Variants in RELN observed in about 807,000 individuals in gnomAD.
The protein encoded by RELN is reelin.
In RELN, 108 loss-of-function variants were observed where a neutral mutation model predicts 427.6. The ratio of observed to expected loss-of-function variants is 0.25; its 90% CI spans 0.22 to 0.30. The LOEUF (loss-of-function observed/expected upper bound fraction) is 0.30. Among genes scored for constraint, RELN ranks in the 10% least tolerant of loss-of-function variants. RELN has a pLI of 1.00. For synonymous variants in RELN, 1,524 were observed against 1,513.4 expected (o/e 1.01, Z -0.16); for missense variants, 3,715 against 4,302.8 (o/e 0.86, Z 3.82).
intron 36 of RELN, among the ~76,000 whole-genome samples, chr7:103,558,379 A>T (rs1004532148): frequency 1.3e-5 from 2 of 152,170 alleles, no homozygotes; most frequent in Non-Finnish European, 2.9e-5. Flanking sequence ...ACAGCATGTT[A>T]TGAGAGGAGT....
intron 2 of RELN, among the ~76,000 whole-genome samples, chr7:103,892,287 AC>A (rs1404128998): frequency 7.2e-5 from 11 of 152,170 alleles, no homozygotes; most frequent in Admixed American, 1.3e-4. Flanking sequence ...TTCCATGCTG[AC>A]CAAAAACACC....
At chr7:103,576,370 C>T (rs1193424169) in intron 28 of RELN, among the ~76,000 whole-genome samples, 1 of 152,126 alleles carries the variant, frequency 6.6e-6, no homozygotes, top group Non-Finnish European at 1.5e-5. Flanking sequence ...AAACTCCTGG[C>T]TTTATGTGAT....
chr7:103,636,441 A>G lies in RELN; in HGVS notation c.2097T>C (p.Ala699=). 2 of 1,613,690 alleles carry G rather than the reference A, an allele frequency of 1.2e-6. No individual in the cohort carries two copies. The highest frequency in any genetic ancestry group is 2.2e-5 in the South Asian group (2 of 91,026). ...GGAATGTCTGGGATGCCATCTCACA[A>G]GCTGGGCCAGAAAATCCAGGGTCAC... ...CKCDPGFSGP[A]CEMASQTFPM... Residue 699 remains alanine (A), a synonymous_variant, in exon 18 of 65, where the codon GCT becomes GCC. Coordinates refer to ENST00000428762, the MANE Select transcript of RELN (RefSeq NM_005045.4).
intron 2 of RELN, among the ~76,000 whole-genome samples, chr7:103,839,441 C>A (rs1406859091): frequency 6.6e-6 from 1 of 151,430 alleles, no homozygotes; most frequent in Non-Finnish European, 1.5e-5. Flanking sequence ...AATCAACCAG[C>A]AAGAAGAAAA....
intron 10 of RELN, among the ~76,000 whole-genome samples, chr7:103,683,504 G>T (rs1833697225): frequency 6.6e-6 from 1 of 152,062 alleles, no homozygotes; most frequent in African/African-American, 2.4e-5. Flanking sequence ...CATATACAAT[G>T]GTGGTCCTAT....
chr7:103,695,547 G>C (rs1206546620), intron 10 of RELN, among the ~76,000 whole-genome samples: 1 of 152,064 alleles, frequency 6.6e-6, no homozygotes, highest in Non-Finnish European at 1.5e-5. Flanking sequence ...CACACCTCAT[G>C]CATTTTTATC....
chr7:103,632,677 T>G (rs1352397937), intron 19 of RELN, among the ~76,000 whole-genome samples: 1 of 152,176 alleles, frequency 6.6e-6, no homozygotes, highest in Non-Finnish European at 1.5e-5. Context: ...GTCAACTTTC[T>G]GCCTCAATTT....
At chr7:103,519,291 A>G in intron 49 of RELN, 32 bp downstream of exon 49, 1 of 1,532,750 alleles carries the variant, frequency 6.5e-7, no homozygotes, top group Non-Finnish European at 9.0e-7. Context: ...TGCTCGATGT[A>G]CTCGTTATTA....
intron 11 of RELN, among the ~76,000 whole-genome samples, chr7:103,675,493 C>A (rs1232659555): frequency 6.6e-6 from 1 of 152,034 alleles, no homozygotes; most frequent in Non-Finnish European, 1.5e-5. Context: ...ATGCCACCCC[C>A]ATCAAGCTAC....
At chr7:103,941,542 T>G (rs1442912774) in intron 1 of RELN, among the ~76,000 whole-genome samples, 2 of 152,198 alleles carry the variant, frequency 1.3e-5, no homozygotes, top group Non-Finnish European at 2.9e-5. Context: ...TTATTTTTCA[T>G]GTATTAAAAT....
intron 56 of RELN, 70 bp from the exon 57 acceptor site, chr7:103,495,968 T>A: frequency 1.3e-6 from 2 of 1,528,984 alleles, no homozygotes; most frequent in East Asian, 4.5e-5. Context: ...ATATGGCATA[T>A]TATTCTCTTG....
rs1563092030 is a variant in RELN, at chr7:103,920,566, G to GTTTTTTT, written c.227-3382_227-3381insAAAAAAA. 2.2e-4 allele frequency among the ~76,000 whole-genome samples: 25 copies of GTTTTTTT among 114,672 alleles called. 2 individuals are homozygous for GTTTTTTT. The highest frequency in any genetic ancestry group is 1.0e-3 in the African/African-American group (22 of 21,544). 75.2% of individuals were successfully genotyped at this position (114,672 alleles called of 152,430 possible). On this transcript the variant is annotated intron_variant, in intron 1 of 64. Coordinates refer to ENST00000428762, the MANE Select transcript of RELN (RefSeq NM_005045.4). ...ACACATGTTTGTTGTACCAGTCTTT[G>GTTTTTTT]GTTTTTTTTTTTGTTTTTTTTTTTT...
In RELN at chr7:103,569,222, A is replaced by T. The variant is rs1013572456; in HGVS notation, c.4589-2463T>A. Among the ~76,000 whole-genome samples the T allele has an allele frequency of 3.3e-5, 5 of 152,276 alleles. No homozygotes were observed. Among genetic ancestry groups the T allele is most frequent in the African/African-American group, 1.2e-4 (5 of 41,546 alleles). On this transcript the variant is annotated intron_variant, in intron 31 of 64. Coordinates refer to ENST00000428762, the MANE Select transcript of RELN (RefSeq NM_005045.4). This position sits in a 1 kb window ranked among gnomAD's most constrained non-coding sequence, Gnocchi z 4.0. ...CAGGTCTACAGAGTGAGAAACTGAA[A>T]CCTCTTGCCAACAGCAGAGAAGAAC... is the stretch of plus-strand genomic sequence containing the variant.
chr7:103,670,664 T>C (rs1477150690), intron 11 of RELN, among the ~76,000 whole-genome samples: 4 of 152,030 alleles, frequency 2.6e-5, no homozygotes, highest in African/African-American at 7.2e-5. Flanking sequence ...TTCTTTGCAG[T>C]AAGCAAATAA....
At chr7:103,772,539 GAGA>G in intron 4 of RELN, among the ~76,000 whole-genome samples, 1 of 152,330 alleles carries the variant, frequency 6.6e-6, no homozygotes, top group Non-Finnish European at 1.5e-5. Context: ...ATTCTGTAGA[GAGA>G]GTTATGTATG....
In RELN at chr7:103,953,581, G is replaced by A. The variant is rs1796374793; in HGVS notation, c.226+35550C>T. Among the ~76,000 whole-genome samples the A allele has an allele frequency of 1.3e-5, 2 of 152,144 alleles. No individual in the cohort carries two copies. Among genetic ancestry groups the A allele is most frequent in the African/African-American group, 2.4e-5 (1 of 41,424 alleles). ...ATGCCAATCTAAATACCAAATGAGA[G>A]TGTAATCTCAACTAGCAGTCGTAGT... On this transcript the variant is annotated intron_variant, in intron 1 of 64. Transcript: ENST00000428762. The surrounding 1 kb of genome is among the most constrained non-coding windows in gnomAD (Gnocchi z 4.3).
chr7:103,774,793 C>T (rs1370183078), intron 4 of RELN, among the ~76,000 whole-genome samples: 1 of 152,110 alleles, frequency 6.6e-6, no homozygotes, highest in African/African-American at 2.4e-5. Context: ...TTCACTTTAT[C>T]TTGGATAGAT....
Position 103,772,836 on chromosome 7 carries a change from G to C in RELN, c.544+3721C>G, listed in dbSNP as rs533356690. ...AGCCAGATTGTAAGGGATTTTCCTT[G>C]CATGTTGATAAGCAGTAGGAATTTC... On this transcript the variant is annotated intron_variant, in intron 4 of 64. Coordinates refer to ENST00000428762, the MANE Select transcript of RELN (RefSeq NM_005045.4). 4.0e-4 allele frequency among the ~76,000 whole-genome samples: 61 copies of C among 152,308 alleles called. 1 individual carries two copies. Among genetic ancestry groups the C allele is most frequent in the African/African-American group, 1.5e-3 (61 of 41,564 alleles).
intron 57 of RELN, among the ~76,000 whole-genome samples, chr7:103,494,731 TCTTCA>T (rs79502059): frequency 0.052 from 7,895 of 152,162 alleles, 237 homozygotes; most frequent in South Asian, 0.11. Flanking sequence ...ATTATTTATG[TCTTCA>T]CTTTCATCCT....
Sources: allele counts gnomAD v4.1 joint callset (sites outside exome capture counted in the v4.1 genomes callset), GRCh38; gene constraint gnomAD v4.1.1; non-coding constraint Gnocchi (gnomAD v3.1); transcripts MANE v1.5; gene names NCBI Gene and HGNC (gene_info 2026-07-23, HGNC 2026-07-21).